The following TENM2 variants were observed in gnomAD, a reference collection of about 807,000 sequenced individuals.
TENM2 encodes the protein teneurin transmembrane protein 2.
A neutral mutation model predicts 245.2 loss-of-function variants in TENM2; 52 were observed. The ratio of observed to expected loss-of-function variants is 0.21; its 90% CI spans 0.17 to 0.27. The LOEUF (loss-of-function observed/expected upper bound fraction) is 0.27, where lower values mean the gene tolerates loss of function less well. TENM2 is among the 10% of genes least tolerant of loss of function. The pLI, the probability that TENM2 is intolerant of heterozygous loss-of-function variation, is 1.00. For missense variants in TENM2, 3,046 were observed against 3,666.8 expected (o/e 0.83, Z 4.37); for synonymous variants, 1,363 against 1,438.9 (o/e 0.95, Z 1.19).
At chr5:167,768,988 C>CT (rs1186744101) in intron 2 of TENM2, among the ~76,000 whole-genome samples, 1 of 152,132 alleles carries the variant, frequency 6.6e-6, no homozygotes. Context: ...TATCAAAAAT[C>CT]TGAAATAGTG....
At chr5:168,033,553 C>G (rs1218535969) in intron 5 of TENM2, among the ~76,000 whole-genome samples, 3 of 152,074 alleles carry the variant, frequency 2.0e-5, no homozygotes, top group Admixed American at 6.6e-5. Context: ...CTGGCACACT[C>G]CCAGACCTCA....
intron 1 of TENM2, among the ~76,000 whole-genome samples, chr5:167,302,613 G>A (rs746716678): frequency 6.6e-6 from 1 of 151,978 alleles, no homozygotes; most frequent in Non-Finnish European, 1.5e-5. Flanking sequence ...GCGTGGAAAA[G>A]GATCAGGGTG....
chr5:167,429,123 T>C (rs1764051261), intron 2 of TENM2, among the ~76,000 whole-genome samples: 1 of 152,184 alleles, frequency 6.6e-6, no homozygotes, highest in African/African-American at 2.4e-5. Context: ...TTTCTCATAG[T>C]TTTACCTGCT....
At chr5:167,209,238 A>C in the TENM2 span, among the ~76,000 whole-genome samples, 521 of 152,186 alleles carry the variant, frequency 3.4e-3, 4 homozygotes, top group African/African-American at 0.012. Context: ...CATATGAAAA[A>C]CATTTTTTAA....
chr5:168,005,047 G>T (rs1784717054), intron 5 of TENM2, among the ~76,000 whole-genome samples: 1 of 152,120 alleles, frequency 6.6e-6, no homozygotes, highest in African/African-American at 2.4e-5. Context: ...GGGAGAAAGT[G>T]TCTGTATTTC....
At chr5:167,487,571 T>C (rs1768153775) in intron 2 of TENM2, among the ~76,000 whole-genome samples, 1 of 152,228 alleles carries the variant, frequency 6.6e-6, no homozygotes, top group African/African-American at 2.4e-5. Flanking sequence ...GAATGTGGTC[T>C]GATGTCTTTT....
chr5:167,202,540 T>G, the TENM2 span, among the ~76,000 whole-genome samples: 1 of 152,230 alleles, frequency 6.6e-6, no homozygotes, highest in African/African-American at 2.4e-5. Context: ...CCATATCTCT[T>G]CTTCATTTGC....
intron 5 of TENM2, among the ~76,000 whole-genome samples, chr5:168,001,547 G>T (rs924901820): frequency 7.2e-5 from 11 of 152,212 alleles, no homozygotes; most frequent in Non-Finnish European, 1.3e-4. Flanking sequence ...TGGTAAATTA[G>T]GTCTCTGTAC....
chr5:167,146,913 G>A, the TENM2 span, among the ~76,000 whole-genome samples: 14 of 151,986 alleles, frequency 9.2e-5, no homozygotes, highest in Admixed American at 1.3e-4. Flanking sequence ...AAAATATAGA[G>A]TATTATTTTT....
chr5:167,451,996 A>G (rs1174932483), intron 2 of TENM2, among the ~76,000 whole-genome samples: 1 of 152,138 alleles, frequency 6.6e-6, no homozygotes, highest in Non-Finnish European at 1.5e-5. Context: ...TTTCCTCAAA[A>G]TTGGGGGAGA....
chr5:168,224,922 G>A (rs1269857687), intron 23 of TENM2, among the ~76,000 whole-genome samples: 1 of 152,172 alleles, frequency 6.6e-6, no homozygotes, highest in Non-Finnish European at 1.5e-5. Flanking sequence ...CTTCCAAAGT[G>A]GGGAAAGGCT....
chr5:167,999,474 C>T (rs1277389825), intron 5 of TENM2, among the ~76,000 whole-genome samples: 5 of 152,186 alleles, frequency 3.3e-5, no homozygotes, highest in Admixed American at 3.3e-4. Context: ...GGGGGACTGC[C>T]ATTTCGTAAC....
chr5:167,559,660 A>T (rs766026635), intron 2 of TENM2, among the ~76,000 whole-genome samples: 84 of 152,072 alleles, frequency 5.5e-4, no homozygotes, highest in Admixed American at 2.9e-3. Context: ...CTCCACAGCC[A>T]TTCATATCTC....
At chr5:168,044,931 A>G (rs74990811) in intron 5 of TENM2, among the ~76,000 whole-genome samples, 1 of 142,836 alleles carries the variant, frequency 7.0e-6, no homozygotes, top group Non-Finnish European at 1.5e-5. Flanking sequence ...ATGGCTGATT[A>G]AAAAAAAAAA....
chr5:167,187,436 A>G, the TENM2 span, among the ~76,000 whole-genome samples: 3 of 152,226 alleles, frequency 2.0e-5, no homozygotes, highest in Non-Finnish European at 4.4e-5. Context: ...TTGCAGTTAT[A>G]TGAGACATTT....
the TENM2 span, among the ~76,000 whole-genome samples, chr5:167,184,337 A>G: frequency 1.3e-5 from 2 of 152,194 alleles, no homozygotes; most frequent in Non-Finnish European, 2.9e-5. Flanking sequence ...GAGGCTTGTT[A>G]AATGCAAGCA....
chr5:167,485,074 T>C (rs546162428), intron 2 of TENM2, among the ~76,000 whole-genome samples: 47 of 152,280 alleles, frequency 3.1e-4, no homozygotes, highest in African/African-American at 1.1e-3. Context: ...TCTTAAAATA[T>C]CTCCCGAGGG....
chr5:167,152,965 A>G, the TENM2 span, among the ~76,000 whole-genome samples: 1 of 152,220 alleles, frequency 6.6e-6, no homozygotes, highest in Non-Finnish European at 1.5e-5. Flanking sequence ...CTGTGTATTC[A>G]AATAAGTCCT....
intron 2 of TENM2, among the ~76,000 whole-genome samples, chr5:167,651,895 A>C (rs1754494458): frequency 6.6e-6 from 1 of 152,174 alleles, no homozygotes; most frequent in African/African-American, 2.4e-5. Flanking sequence ...TACTGAACCC[A>C]CCAGAAGAGA....
Sources: gnomAD v4.1 joint callset for allele counts (sites outside exome capture counted in the v4.1 genomes callset) on GRCh38, gnomAD v4.1.1 for gene constraint, MANE v1.5 for transcripts, NCBI Gene and HGNC (gene_info 2026-07-23, HGNC 2026-07-21) for gene names.